Variants in MXD1 observed in about 807,000 individuals in gnomAD.
MXD1 encodes the protein MAX-binding protein.
In MXD1, 9 loss-of-function variants were observed where a neutral mutation model predicts 25.7. The ratio of observed to expected loss-of-function variants is 0.35; its 90% confidence interval spans 0.21 to 0.61. MXD1 has a LOEUF of 0.61. Ranked by LOEUF, MXD1 falls within the 20% of genes least tolerant of loss-of-function variation. MXD1 has a pLI of 0.75. For synonymous variants in MXD1, 99 were observed against 113.9 expected, an observed-to-expected ratio of 0.87 and a Z score of 0.83; for missense variants, 227 against 292.4, an observed-to-expected ratio of 0.78 and a Z score of 1.63.
intron 2 of MXD1, among the ~76,000 whole-genome samples, chr2:69,919,519 A>AT (rs1279071262): frequency 6.6e-6 from 1 of 151,244 alleles, no homozygotes; most frequent in Non-Finnish European, 1.5e-5. Context: ...TAATTTTTGT[A>AT]TTTTTAGTAA....
chr2:69,930,739 T>C (rs1032183029), intron 3 of MXD1, among the ~76,000 whole-genome samples: 3 of 152,220 alleles, frequency 2.0e-5, no homozygotes, highest in African/African-American at 4.8e-5. Flanking sequence ...AGGAATATCA[T>C]AGTGCTCTTA....
chr2:69,920,444 G>T (rs928346551), intron 2 of MXD1, among the ~76,000 whole-genome samples: 1 of 152,146 alleles, frequency 6.6e-6, no homozygotes, highest in Non-Finnish European at 1.5e-5. Flanking sequence ...CTGTGAAAGA[G>T]AAGTTTAATG....
Position 69,925,248 on chromosome 2 carries a change from A to ATGTG in MXD1, c.203+3500_203+3503dup, listed in dbSNP as rs59577798. Reference sequence around the variant, plus strand: ...GAAAACACCCTTGGGAGGGTGGGGTATGTGTGTGTGTGTGTGTGTGGTTTT... The same window carrying ATGTG: ...GAAAACACCCTTGGGAGGGTGGGGTATGTGTGTGTGTGTGTGTGTGTGTGGTTTT... On this transcript the variant is annotated intron_variant, in intron 3 of 5. Coordinates refer to ENST00000264444, the MANE Select transcript of MXD1 (RefSeq NM_002357.4). 4.9e-3 allele frequency among the ~76,000 whole-genome samples: 727 copies of ATGTG among 149,684 alleles called. 7 individuals carry two copies. The highest frequency in any genetic ancestry group is 0.015 in the African/African-American group (610 of 40,828).
intron 3 of MXD1, among the ~76,000 whole-genome samples, chr2:69,929,414 T>G (rs894720452): frequency 6.6e-6 from 1 of 152,204 alleles, no homozygotes; most frequent in Non-Finnish European, 1.5e-5. Flanking sequence ...TTCCCCAATT[T>G]GCAGATCTAC....
In MXD1 at chr2:69,938,966, A is replaced by T. The variant is rs1225834792; in HGVS notation, c.*682A>T. ...TTCCAAATTGTTTGTTCTCACAAAC[A>T]AAACGGTACAATCTATTTTTGTGCG... is the stretch of plus-strand genomic sequence containing the variant. On this transcript the variant is annotated 3_prime_UTR_variant, in exon 6 of 6. Coordinates refer to ENST00000264444, the MANE Select transcript of MXD1 (RefSeq NM_002357.4). 1 of 152,664 alleles carries T rather than the reference A, an allele frequency of 6.6e-6. No homozygotes were observed. The allele number at this position is 152,664 out of a possible 1,614,324, so 9.5% of individuals were successfully genotyped here.
intron 3 of MXD1, among the ~76,000 whole-genome samples, chr2:69,927,550 G>A (rs1677194645): frequency 6.6e-6 from 1 of 152,162 alleles, no homozygotes; most frequent in African/African-American, 2.4e-5. Flanking sequence ...CTGGTCATTT[G>A]ACCAATTTCC....
In MXD1 at chr2:69,939,379, G is replaced by A. The variant is rs1677544132; in HGVS notation, c.*1095G>A. The A allele has an allele frequency of 6.6e-6, 1 of 152,516 alleles. No homozygotes were observed. The highest frequency in any genetic ancestry group is 1.9e-4 in the East Asian group (1 of 5,196). 9.4% of individuals were successfully genotyped at this position (152,516 alleles called of 1,614,324 possible). ...CAGAAACTTCTTTATGGAGGCTTTT[G>A]GGTTGATAGTTTAAAAGGCTGATTT... On this transcript the variant is annotated 3_prime_UTR_variant, in exon 6 of 6. Transcript: ENST00000264444.
At chr2:69,918,796 A>G (rs1217511209) in intron 2 of MXD1, among the ~76,000 whole-genome samples, 1 of 152,164 alleles carries the variant, frequency 6.6e-6, no homozygotes, top group Admixed American at 6.5e-5. Flanking sequence ...ATTGTTTTCC[A>G]TAATCACATG....
At chr2:69,937,504 T>G (rs971385243) in intron 5 of MXD1, 110 bp downstream of exon 5, 8 of 1,092,500 alleles carry the variant, frequency 7.3e-6, no homozygotes, top group South Asian at 1.6e-5. Context: ...AGACACTGGG[T>G]ATGATGTAGA....
rs1677539047 is a variant in MXD1 at position 69,939,153 on chromosome 2, A to C, written c.*869A>C. On this transcript the variant is annotated 3_prime_UTR_variant, in exon 6 of 6. Transcript: ENST00000264444. ...AGTGATTATCCTTTTTTCCCCCCCCAAAATAGTGACATTTGGTCCAATTAT... is the reference window on the plus strand; with the variant it reads ...AGTGATTATCCTTTTTTCCCCCCCCCAAATAGTGACATTTGGTCCAATTAT... 1 of 151,312 alleles carries C rather than the reference A, an allele frequency of 6.6e-6. No homozygotes were observed. The highest frequency in any genetic ancestry group is 2.1e-4 in the South Asian group (1 of 4,750). 9.4% of individuals were successfully genotyped at this position (151,312 alleles called of 1,614,324 possible).
intron 4 of MXD1, 136 bp downstream of exon 4, chr2:69,935,601 C>A: frequency 1.5e-6 from 1 of 650,028 alleles, no homozygotes; most frequent in South Asian, 1.8e-5. Flanking sequence ...ACCTCAAATG[C>A]AACATATTCA....
At chr2:69,937,671 G>A (rs1171671821) in intron 5 of MXD1, among the ~76,000 whole-genome samples, 2 of 152,180 alleles carry the variant, frequency 1.3e-5, no homozygotes, top group Admixed American at 1.3e-4. Context: ...CTGGAGTGCA[G>A]TGGTGTGATC....
intron 2 of MXD1, among the ~76,000 whole-genome samples, chr2:69,918,040 A>C (rs1162218147): frequency 1.3e-5 from 2 of 152,182 alleles, no homozygotes; most frequent in African/African-American, 4.8e-5. Context: ...GTTTTCTTTC[A>C]GTGTGATCAT....
At position 69,939,144 on chromosome 2, in the gene MXD1, T is replaced by TC. The variant is rs111484627; in HGVS notation, c.*868dup. On this transcript the variant is annotated 3_prime_UTR_variant, in exon 6 of 6. Coordinates refer to ENST00000264444, the MANE Select transcript of MXD1 (RefSeq NM_002357.4). ...ACTTAACACAGTGATTATCCTTTTT[T>TC]CCCCCCCCAAAATAGTGACATTTGG... 7,944 of 151,936 alleles carry TC rather than the reference T, an allele frequency of 0.052. 643 individuals carry two copies. Among genetic ancestry groups the TC allele is most frequent in the Admixed American group, 0.21 (3,171 of 15,162 alleles). The allele number at this position is 151,936 out of a possible 1,614,324, so 9.4% of individuals were successfully genotyped here.
intron 4 of MXD1, 44 bp downstream of exon 4, chr2:69,935,509 T>C (rs763553463): frequency 9.8e-5 from 133 of 1,356,834 alleles, no homozygotes; most frequent in Non-Finnish European, 5.2e-5. Context: ...ACCTGTTCAG[T>C]GAGGGTTTGT....
chr2:69,925,753 AC>A (rs1677157556), intron 3 of MXD1, among the ~76,000 whole-genome samples: 1 of 152,130 alleles, frequency 6.6e-6, no homozygotes, highest in South Asian at 2.1e-4. Flanking sequence ...TTCTTAAACC[AC>A]CTGTAGAAAA....
chr2:69,929,619 G>A lies in MXD1; in HGVS notation c.204-5732G>A, dbSNP rs1351288109. ...TCCTTTACTTGGATATTTACTTTCCGTAATTCATGGCTGGCAAGAAGTTAA... is the reference window on the plus strand; with the variant it reads ...TCCTTTACTTGGATATTTACTTTCCATAATTCATGGCTGGCAAGAAGTTAA... On this transcript the variant is annotated intron_variant, in intron 3 of 5. Coordinates refer to ENST00000264444, the MANE Select transcript of MXD1 (RefSeq NM_002357.4). Among the ~76,000 whole-genome samples, 5 of 152,162 alleles carry A rather than the reference G, an allele frequency of 3.3e-5. No homozygotes were observed. In the East Asian group the frequency reaches 5.8e-4, roughly 18 times the overall value.
chr2:69,921,016 C>T (rs932720117), intron 2 of MXD1, among the ~76,000 whole-genome samples: 3 of 152,054 alleles, frequency 2.0e-5, no homozygotes, highest in Non-Finnish European at 2.9e-5. Flanking sequence ...GTAAATAATT[C>T]GTAATTATTT....
intron 5 of MXD1, among the ~76,000 whole-genome samples, 193 bp from the exon 6 acceptor site, chr2:69,937,904 A>T (rs1012516480): frequency 6.6e-6 from 1 of 152,062 alleles, no homozygotes; most frequent in Non-Finnish European, 1.5e-5. Flanking sequence ...GTGAGCCACC[A>T]CACCCAGCCA....
Sources: gnomAD v4.1 joint callset for allele counts (sites outside exome capture counted in the v4.1 genomes callset) on GRCh38, gnomAD v4.1.1 for gene constraint, MANE v1.5 for transcripts, NCBI Gene and HGNC (gene_info 2026-07-23, HGNC 2026-07-21) for gene names.